The following ELMO1 variants were observed in gnomAD, a reference collection of about 807,000 sequenced individuals.
The protein encoded by ELMO1 is engulfment and cell motility protein 1.
In ELMO1, 26 loss-of-function variants were observed where a neutral mutation model predicts 98.9. The ratio of observed to expected loss-of-function variants is 0.26; its 90% confidence interval spans 0.19 to 0.36. ELMO1 has a LOEUF of 0.36. Ranked by LOEUF, ELMO1 falls within the 10% of genes least tolerant of loss-of-function variation. The pLI, the probability that ELMO1 is intolerant of heterozygous loss-of-function variation, is 1.00. For synonymous variants in ELMO1, 346 were observed against 346.0 expected, an observed-to-expected ratio of 1.00 and a Z score of 0.00; for missense variants, 627 against 935.2, an observed-to-expected ratio of 0.67 and a Z score of 4.30.
At chr7:37,361,953 G>C (rs766314351) in intron 1 of ELMO1, among the ~76,000 whole-genome samples, 50 of 152,136 alleles carry the variant, frequency 3.3e-4, no homozygotes, top group Admixed American at 7.9e-4. Flanking sequence ...CAGAGACCCA[G>C]TCACACACAC....
chr7:37,431,363 A>T (rs1804925396), intron 1 of ELMO1, among the ~76,000 whole-genome samples: 1 of 152,070 alleles, frequency 6.6e-6, no homozygotes, highest in Non-Finnish European at 1.5e-5. Flanking sequence ...TAATTAATTT[A>T]AAAAAGAATA....
intron 10 of ELMO1, chr7:37,217,784 G>C (rs753161819): frequency 3.7e-5 from 17 of 456,956 alleles, no homozygotes; most frequent in South Asian, 2.6e-4. Flanking sequence ...ACCACAGAAA[G>C]GAAAGCAAGC....
At chr7:36,913,074 G>A (rs1053647402) in intron 16 of ELMO1, among the ~76,000 whole-genome samples, 2 of 152,096 alleles carry the variant, frequency 1.3e-5, no homozygotes, top group African/African-American at 4.8e-5. Flanking sequence ...CTAAGTGAAC[G>A]ACTCACCCCA....
chr7:37,376,784 C>T (rs1205503605), intron 1 of ELMO1, among the ~76,000 whole-genome samples: 1 of 152,220 alleles, frequency 6.6e-6, no homozygotes, highest in Admixed American at 6.5e-5. Flanking sequence ...GATAACTAAA[C>T]TCATTCCCTA....
intron 1 of ELMO1, among the ~76,000 whole-genome samples, chr7:37,383,172 G>A (rs1802647807): frequency 6.6e-6 from 1 of 152,110 alleles, no homozygotes; most frequent in Non-Finnish European, 1.5e-5. Context: ...TATTATAAAA[G>A]AAAAATGAAT....
At position 37,359,037 on chromosome 7, in the gene ELMO1, AGGT is replaced by A. The variant is rs1801598955; in HGVS notation, c.-73-16277_-73-16275del. 2.0e-5 allele frequency among the ~76,000 whole-genome samples: 3 copies of A among 152,222 alleles called. No individual in the cohort carries two copies. In the South Asian group the frequency reaches 6.2e-4, roughly 32 times the overall value. ...AGGATTATGGCTTCTATAACAGAAT[AGGT>A]GGTGATGTCATTTACTGAGATAGGA... On this transcript the variant is annotated intron_variant, in intron 1 of 21. Coordinates refer to ENST00000310758, the MANE Select transcript of ELMO1 (RefSeq NM_014800.11).
At chr7:36,981,142 C>T (rs778583911) in intron 16 of ELMO1, among the ~76,000 whole-genome samples, 1 of 146,106 alleles carries the variant, frequency 6.8e-6, no homozygotes, top group Admixed American at 6.8e-5. Context: ...GAGGACTGAG[C>T]TTAGAGTGAG....
intron 1 of ELMO1, among the ~76,000 whole-genome samples, chr7:37,363,812 G>T (rs1297938209): frequency 3.3e-5 from 5 of 152,162 alleles, no homozygotes. Flanking sequence ...AACATTGGTA[G>T]AAGTTGAAAG....
At chr7:37,035,696 T>G (rs545458794) in intron 15 of ELMO1, among the ~76,000 whole-genome samples, 92 of 152,328 alleles carry the variant, frequency 6.0e-4, no homozygotes, top group Admixed American at 1.2e-3. Flanking sequence ...TATGGGTCCA[T>G]GATGTTATTC....
At chr7:37,161,905 A>AATATATATATATATATAT (rs6150082) in intron 13 of ELMO1, among the ~76,000 whole-genome samples, 854 of 42,304 alleles carry the variant, frequency 0.02, 123 homozygotes, top group Non-Finnish European at 0.028. Context: ...CAGGTAATCA[A>AATATATATATATATATAT]ATATATATAT....
intron 15 of ELMO1, among the ~76,000 whole-genome samples, chr7:37,043,031 G>A (rs1004660667): frequency 6.6e-6 from 1 of 152,114 alleles, no homozygotes; most frequent in Non-Finnish European, 1.5e-5. Context: ...CACATTGCTG[G>A]GAACAGTGCC....
chr7:37,332,370 C>T lies in ELMO1; in HGVS notation c.78+10243G>A, dbSNP rs527670802. ...CTCAACACTCCTTATGAGTTTACCA[C>T]GTGCAGGCCCTATGCTGGCGCTGGG... On this transcript the variant is annotated intron_variant, in intron 2 of 21. Transcript: ENST00000310758. Among the ~76,000 whole-genome samples the T allele has an allele frequency of 9.2e-5, 14 of 152,348 alleles. No individual in the cohort carries two copies. The East Asian group carries it at 1.7e-3, about 19-fold the overall frequency.
chr7:37,155,814 C>T (rs1788721185), intron 13 of ELMO1, among the ~76,000 whole-genome samples: 1 of 152,042 alleles, frequency 6.6e-6, no homozygotes, highest in Non-Finnish European at 1.5e-5. Flanking sequence ...CAGCTATGGA[C>T]CAAGCAGACC....
chr7:37,422,865 T>C (rs1173609779), intron 1 of ELMO1, among the ~76,000 whole-genome samples: 2 of 152,224 alleles, frequency 1.3e-5, no homozygotes, highest in Non-Finnish European at 2.9e-5. Flanking sequence ...TAGATACTTT[T>C]CTACCTAGAG....
chr7:37,158,657 G>C (rs1403684463), intron 13 of ELMO1, among the ~76,000 whole-genome samples: 1 of 152,162 alleles, frequency 6.6e-6, no homozygotes, highest in African/African-American at 2.4e-5. Flanking sequence ...GGAAACAACA[G>C]GTGCTGGAGA....
intron 16 of ELMO1, among the ~76,000 whole-genome samples, chr7:36,972,263 C>T (rs77108007): frequency 0.019 from 2,838 of 152,276 alleles, 95 homozygotes; most frequent in African/African-American, 0.065. Context: ...ATTGCTCTTA[C>T]GGGAAGGAGA....
At chr7:37,049,702 A>T (rs922567604) in intron 15 of ELMO1, among the ~76,000 whole-genome samples, 1 of 152,042 alleles carries the variant, frequency 6.6e-6, no homozygotes, top group Admixed American at 6.6e-5. Context: ...CCAGAGGCAA[A>T]TGATATCCAG....
In ELMO1 at chr7:37,018,128, AT is replaced by A. The variant is rs34247625; in HGVS notation, c.1301-4694del. Among the ~76,000 whole-genome samples the A allele has an allele frequency of 5.7e-3, 822 of 144,622 alleles. 3 individuals are homozygous for A. The highest frequency in any genetic ancestry group is 8.8e-3 in the Admixed American group (128 of 14,480). 94.9% of individuals were successfully genotyped at this position (144,622 alleles called of 152,430 possible). ...TAGTAAACAGTGGCTATTAGTTACT[AT>A]TTTTTTTTTTTTTTGAGACAGAGTT... is the stretch of plus-strand genomic sequence containing the variant. On this transcript the variant is annotated intron_variant, in intron 15 of 21. Coordinates refer to ENST00000310758, the MANE Select transcript of ELMO1 (RefSeq NM_014800.11).
chr7:37,350,656 T>C (rs1242038008), intron 1 of ELMO1, among the ~76,000 whole-genome samples: 1 of 152,206 alleles, frequency 6.6e-6, no homozygotes, highest in East Asian at 1.9e-4. Context: ...ATGAGAACTG[T>C]TACAGGTGAA....
Sources: gnomAD v4.1 joint callset for allele counts (sites outside exome capture counted in the v4.1 genomes callset) on GRCh38, gnomAD v4.1.1 for gene constraint, MANE v1.5 for transcripts, NCBI Gene and HGNC (gene_info 2026-07-23, HGNC 2026-07-21) for gene names.